RBFOX2: variants seen among roughly 807,000 people sequenced by gnomAD.
The protein encoded by RBFOX2 is RNA binding protein fox-1 homolog 2.
A neutral mutation model predicts 49.1 loss-of-function variants in RBFOX2; 10 were observed. That is an observed-to-expected ratio of 0.20 (90% CI 0.13 to 0.35). The LOEUF (loss-of-function observed/expected upper bound fraction) is 0.35. Ranked by LOEUF, RBFOX2 falls within the 10% of genes least tolerant of loss-of-function variation. The pLI is 1.00. For missense variants in RBFOX2, 323 were observed against 486.9 expected, an observed-to-expected ratio of 0.66 and a Z score of 3.17; for synonymous variants, 183 against 187.4, an observed-to-expected ratio of 0.98 and a Z score of 0.19.
At chr22:36,025,177 A>T (rs1486649023) in intron 1 of RBFOX2, among the ~76,000 whole-genome samples, 1 of 152,164 alleles carries the variant, frequency 6.6e-6, no homozygotes, top group Non-Finnish European at 1.5e-5. Context: ...ATCTCCTAAG[A>T]CTACCTGCCC....
chr22:35,816,318 C>CT (rs981315278), intron 1 of RBFOX2, among the ~76,000 whole-genome samples: 6 of 151,280 alleles, frequency 4.0e-5, no homozygotes, highest in Admixed American at 2.0e-4. Context: ...CTGTTCTTAA[C>CT]TTTTTTTTTA....
intron 1 of RBFOX2, among the ~76,000 whole-genome samples, chr22:36,011,507 A>G (rs1461559150): frequency 4.6e-5 from 7 of 152,202 alleles, no homozygotes; most frequent in Admixed American, 4.6e-4. Flanking sequence ...ATACATATAT[A>G]AACTGATACG....
chr22:35,903,982 T>G (rs1223271046), intron 1 of RBFOX2, among the ~76,000 whole-genome samples: 1 of 152,216 alleles, frequency 6.6e-6, no homozygotes, highest in Admixed American at 6.5e-5. Context: ...TTTAAGGTCC[T>G]ATATGACCTG....
intron 1 of RBFOX2, among the ~76,000 whole-genome samples, chr22:35,864,302 T>C (rs1317591106): frequency 6.6e-6 from 1 of 152,200 alleles, no homozygotes; most frequent in Non-Finnish European, 1.5e-5. Context: ...GAAGGGTTCA[T>C]AGTACCTACC....
At chr22:35,768,805 T>C (rs1046881471) in intron 4 of RBFOX2, among the ~76,000 whole-genome samples, 1 of 152,226 alleles carries the variant, frequency 6.6e-6, no homozygotes, top group African/African-American at 2.4e-5. Context: ...AACTGCTACA[T>C]GAAATCTGAC....
intron 2 of RBFOX2, among the ~76,000 whole-genome samples, chr22:35,798,989 G>A (rs916468732): frequency 1.3e-5 from 2 of 152,176 alleles, no homozygotes; most frequent in African/African-American, 4.8e-5. Flanking sequence ...AATAGCGTAT[G>A]TCTAACACCT....
intron 1 of RBFOX2, among the ~76,000 whole-genome samples, chr22:35,954,029 T>C (rs1259101908): frequency 6.6e-6 from 1 of 152,226 alleles, no homozygotes; most frequent in East Asian, 1.9e-4. Flanking sequence ...TAAGGCCTTA[T>C]ATTCATGGTT....
rs548910844 is a variant in RBFOX2 at position 35,936,405 on chromosome 22, G to T, written c.-34+2442C>A. 7.9e-5 allele frequency among the ~76,000 whole-genome samples: 12 copies of T among 152,200 alleles called. No individual in the cohort carries two copies. In the South Asian group the frequency reaches 2.3e-3, roughly 29 times the overall value. Reference sequence around the variant, plus strand: ...GACTGTTCAGCGACCAGTGTTTCACGCTGATAAATGCCTCCCAAATCTCAA... The same window carrying T: ...GACTGTTCAGCGACCAGTGTTTCACTCTGATAAATGCCTCCCAAATCTCAA... On this transcript the variant is annotated intron_variant, in intron 1 of 13. Transcript: ENST00000359369.
intron 4 of RBFOX2, among the ~76,000 whole-genome samples, chr22:35,776,842 C>T (rs1944023204): frequency 6.6e-6 from 1 of 151,722 alleles, no homozygotes; most frequent in African/African-American, 2.4e-5. Context: ...AGTGAGAAAA[C>T]TCTCAAGTAA....
At chr22:35,925,518 C>CA (rs951890965) in intron 1 of RBFOX2, among the ~76,000 whole-genome samples, 9 of 151,522 alleles carry the variant, frequency 5.9e-5, no homozygotes, top group East Asian at 3.9e-4. Context: ...ATCCTGTCTC[C>CA]AAAAAAAACA....
intron 1 of RBFOX2, among the ~76,000 whole-genome samples, chr22:35,950,953 CTTT>C (rs747849148): frequency 2.3e-5 from 3 of 128,120 alleles, no homozygotes; most frequent in Non-Finnish European, 5.1e-5. Context: ...GTAAAGAATT[CTTT>C]TTTTTTTTTT....
chr22:35,763,999 CCTTT>C (rs71755097), intron 6 of RBFOX2, among the ~76,000 whole-genome samples: 8,873 of 152,166 alleles, frequency 0.058, 338 homozygotes, highest in South Asian at 0.086. Context: ...CTTTGCCTCT[CCTTT>C]CTATTTTGTT....
rs1168973430 is a variant in RBFOX2, at chr22:35,972,397, T to G, written c.187-33500A>C. On this transcript the variant is annotated intron_variant, in intron 1 of 13. Coordinates refer to the RBFOX2 transcript ENST00000438146. ...ACAATCCTAAGTCAAACCGCTTATA[T>G]TCGTTTCTGTAAAATTGATTTTTAC... Among the ~76,000 whole-genome samples the G allele has an allele frequency of 2.6e-5, 4 of 151,728 alleles. No homozygotes were observed. The East Asian group carries it at 7.7e-4, about 29-fold the overall frequency.
intron 1 of RBFOX2, among the ~76,000 whole-genome samples, chr22:35,954,813 A>G (rs1184573312): frequency 7.9e-5 from 12 of 152,068 alleles, no homozygotes; most frequent in Non-Finnish European, 1.6e-4. Context: ...ATGTAAACAA[A>G]TACAATATGA....
chr22:36,008,823 G>GA lies in RBFOX2; in HGVS notation c.186+19416dup, dbSNP rs944014029. ...ATGAGACACTGTCTCAAAGAAAAAA[G>GA]AAAAAAAAAGGAAAGATTCATACCT... On this transcript the variant is annotated intron_variant, in intron 1 of 13. Transcript: ENST00000438146. Among the ~76,000 whole-genome samples, 16 of 148,786 alleles carry GA rather than the reference G, an allele frequency of 1.1e-4. No homozygotes were observed. In the South Asian group the frequency reaches 2.3e-3, roughly 22 times the overall value.
At chr22:35,878,816 C>T (rs1229184447) in intron 1 of RBFOX2, among the ~76,000 whole-genome samples, 2 of 152,138 alleles carry the variant, frequency 1.3e-5, no homozygotes, top group Non-Finnish European at 2.9e-5. Flanking sequence ...CTGCAAGCTC[C>T]GCCTCCCAGG....
At chr22:35,833,797 G>A (rs1020588645) in intron 1 of RBFOX2, among the ~76,000 whole-genome samples, 1 of 152,150 alleles carries the variant, frequency 6.6e-6, no homozygotes, top group African/African-American at 2.4e-5. Context: ...GTACTGCTGA[G>A]TAAGTATATA....
chr22:35,868,739 G>A (rs932144191), intron 1 of RBFOX2, among the ~76,000 whole-genome samples: 7 of 152,262 alleles, frequency 4.6e-5, no homozygotes, highest in African/African-American at 7.2e-5. Context: ...TTGTAAATAC[G>A]TACACTGTTC....
chr22:35,824,647 G>GTCT (rs1955249574), intron 1 of RBFOX2, among the ~76,000 whole-genome samples: 1 of 152,182 alleles, frequency 6.6e-6, no homozygotes, highest in African/African-American at 2.4e-5. Context: ...TAAGAAAGGT[G>GTCT]GCCTGCGGAA....
Sources: allele counts gnomAD v4.1 joint callset (sites outside exome capture counted in the v4.1 genomes callset), GRCh38; gene constraint gnomAD v4.1.1; transcripts MANE v1.5; gene names NCBI Gene and HGNC (gene_info 2026-07-23, HGNC 2026-07-21).